Variants in BICRA observed in about 807,000 individuals in gnomAD.
The protein encoded by BICRA is BRD4 interacting chromatin remodeling complex associated protein, also known as BRD4-interacting chromatin-remodeling complex-associated protein.
BICRA carries 31 observed loss-of-function variants against 96.9 expected under a neutral mutation model. That is an observed-to-expected ratio of 0.32 (90% CI 0.24 to 0.43). The LOEUF (loss-of-function observed/expected upper bound fraction) is 0.43, where lower values mean the gene tolerates loss of function less well. BICRA is among the 20% of genes least tolerant of loss of function. BICRA has a pLI of 1.00. For missense variants in BICRA, 2,283 were observed against 2,190.3 expected, an observed-to-expected ratio of 1.04 and a Z score of -0.84; for synonymous variants, 1,350 against 1,071.8, an observed-to-expected ratio of 1.26 and a Z score of -5.07.
At chr19:47,696,781 G>A (rs1973349847) in intron 11 of BICRA, among the ~76,000 whole-genome samples, 1 of 152,134 alleles carries the variant, frequency 6.6e-6, no homozygotes, top group Non-Finnish European at 1.5e-5. Context: ...TTGTTGCTGT[G>A]CCCTCCATGT....
At position 47,681,962 on chromosome 19, in the gene BICRA, G is replaced by A. The variant is rs1973068501; in HGVS notation, c.2107-14G>A. The A allele has an allele frequency of 1.3e-6, 2 of 1,538,976 alleles. No homozygotes were observed. Among genetic ancestry groups the A allele is most frequent in the African/African-American group, 1.4e-5 (1 of 72,998 alleles). On this transcript the variant is annotated splice_polypyrimidine_tract_variant and intron_variant, in intron 6 of 14. Coordinates refer to ENST00000594866, the MANE Select transcript of BICRA (RefSeq NM_001394372.1). Reference sequence around the variant, plus strand: ...GGGGCGGCTTTCTGATCCTGTGCGGGCTGCCCGTTGCAGGAGAGGAGCCAG... The same window carrying A: ...GGGGCGGCTTTCTGATCCTGTGCGGACTGCCCGTTGCAGGAGAGGAGCCAG...
At position 47,701,533 on chromosome 19, in the gene BICRA, C is replaced by T. The variant is rs1464943492; in HGVS notation, c.3801C>T (p.Ser1267=). Residue 1267 remains serine (S), a synonymous_variant, in exon 15 of 15, where the codon TCC becomes TCT. Transcript: ENST00000594866. This position sits in a 1 kb window ranked among gnomAD's most constrained non-coding sequence, Gnocchi z 5.4. ...TCACCTGGGCCCGGGCGTCCTCCTC[C>T]CTGTCCTCCTCTTCCTCCTCCTCCT... ...PSVTWARASS[S]LSSSSSSSSA... is the part of the protein sequence containing the mutation. 2.3e-5 allele frequency: 36 copies of T among 1,549,114 alleles called. No individual in the cohort carries two copies. The highest frequency in any genetic ancestry group is 3.1e-5 in the Non-Finnish European group (36 of 1,147,088).
At position 47,696,462 on chromosome 19, in the gene BICRA, A is replaced by G; in HGVS notation, c.3198A>G (p.Lys1066=). ...GKPSGLQYES[K]LSGLKKPPTL... The stretch of plus-strand genomic sequence containing the variant: ...CTTTCTTCTCCCAGTATGAGAGCAA[A>G]CTGAGTGGCCTGAAGAAGCCCCCCA... The change falls in exon 11 of 15, where the codon AAA becomes AAG. Residue 1066 remains lysine (K), a synonymous_variant. Coordinates refer to ENST00000594866, the MANE Select transcript of BICRA (RefSeq NM_001394372.1). 1 of 1,601,864 alleles carries G rather than the reference A, an allele frequency of 6.2e-7. No homozygotes were observed. Among genetic ancestry groups the G allele is most frequent in the South Asian group, 1.1e-5 (1 of 88,616 alleles).
chr19:47,646,738 A>G (rs533735553), intron 1 of BICRA, among the ~76,000 whole-genome samples: 3 of 152,200 alleles, frequency 2.0e-5, no homozygotes, highest in Non-Finnish European at 4.4e-5. Flanking sequence ...CATTTCATCC[A>G]GCAATTATAA....
chr19:47,692,112 C>T (rs1416987516), intron 7 of BICRA, among the ~76,000 whole-genome samples: 8 of 152,088 alleles, frequency 5.3e-5, no homozygotes, highest in Non-Finnish European at 1.2e-4. Context: ...ACTGAGTGGG[C>T]CAGTTCTCTT....
intron 1 of BICRA, among the ~76,000 whole-genome samples, chr19:47,616,594 G>A (rs1971987811): frequency 6.6e-6 from 1 of 151,092 alleles, no homozygotes; most frequent in Admixed American, 6.6e-5. Context: ...AGCTGAGATC[G>A]CACGATTGCA....
intron 1 of BICRA, chr19:47,662,285 T>C (rs1972715478): frequency 1.3e-5 from 2 of 152,420 alleles, no homozygotes; most frequent in Non-Finnish European, 2.9e-5. Flanking sequence ...GCTGGGGTGA[T>C]GGGGTGATGG....
intron 1 of BICRA, among the ~76,000 whole-genome samples, chr19:47,651,613 T>C (rs1457225822): frequency 6.6e-6 from 1 of 152,064 alleles, no homozygotes; most frequent in Non-Finnish European, 1.5e-5. Context: ...GTTTGACTTC[T>C]CTTTGTGGAG....
intron 1 of BICRA, among the ~76,000 whole-genome samples, chr19:47,635,580 A>G (rs1263800741): frequency 1.3e-5 from 2 of 152,038 alleles, no homozygotes; most frequent in South Asian, 4.1e-4. Context: ...TTCAAACAGA[A>G]GCTCGATACC....
chr19:47,656,108 ACACT>A (rs1168305115), intron 1 of BICRA, among the ~76,000 whole-genome samples: 6 of 128,942 alleles, frequency 4.7e-5, no homozygotes, highest in African/African-American at 1.7e-4. Context: ...ACACACACAC[ACACT>A]CTGAATAAAT....
At chr19:47,615,321 C>T (rs1268536943) in intron 1 of BICRA, among the ~76,000 whole-genome samples, 1 of 152,226 alleles carries the variant, frequency 6.6e-6, no homozygotes, top group African/African-American at 2.4e-5. Flanking sequence ...CTCTTTCTCT[C>T]CTCTTCAATG....
chr19:47,685,595 A>G (rs1039042458), intron 7 of BICRA, among the ~76,000 whole-genome samples: 3 of 152,034 alleles, frequency 2.0e-5, no homozygotes, highest in Non-Finnish European at 2.9e-5. Context: ...TATCCTGTGG[A>G]TATGCAGGAA....
intron 1 of BICRA, among the ~76,000 whole-genome samples, chr19:47,621,244 A>G (rs1230909164): frequency 6.6e-6 from 1 of 152,098 alleles, no homozygotes; most frequent in Non-Finnish European, 1.5e-5. Context: ...CAAAAGTGTG[A>G]AAAATGCGCA....
chr19:47,620,923 C>T (rs905894412), intron 1 of BICRA, among the ~76,000 whole-genome samples: 13 of 152,224 alleles, frequency 8.5e-5, no homozygotes, highest in African/African-American at 2.2e-4. Flanking sequence ...CCAGTCAAGG[C>T]GGCCATGGGT....
At chr19:47,672,380 G>A (rs1296828779) in intron 2 of BICRA, among the ~76,000 whole-genome samples, 1 of 150,434 alleles carries the variant, frequency 6.6e-6, no homozygotes, top group Admixed American at 6.6e-5. Flanking sequence ...GTAGGTAGAT[G>A]GATGGAAGGA....
At position 47,680,680 on chromosome 19, in the gene BICRA, C is replaced by G. The variant is rs767725444; in HGVS notation, c.1510C>G (p.His504Asp). The G allele has an allele frequency of 3.1e-6, 5 of 1,604,332 alleles. No homozygotes were observed. The highest frequency in any genetic ancestry group is 1.7e-6 in the Non-Finnish European group (2 of 1,175,596). ...GCAGATCCTGGCGGCCGCTGCCCCC[C>G]ACACAGGTGGACAGCTCATCGCGAA... The part of the protein sequence containing the change: ...GGQILAAAAP[H>D]TGGQLIANPI... The change falls in exon 6 of 15, where the codon CAC becomes GAC. Residue 504 changes from histidine to aspartate, a missense_variant. By Grantham distance (81) the His-to-Asp change is moderately conservative (BLOSUM62 -1). Coordinates refer to ENST00000594866, the MANE Select transcript of BICRA (RefSeq NM_001394372.1).
intron 1 of BICRA, among the ~76,000 whole-genome samples, chr19:47,654,673 C>T (rs1317833394): frequency 1.3e-5 from 2 of 151,900 alleles, no homozygotes; most frequent in East Asian, 1.9e-4. Context: ...ACTGTAAGGC[C>T]AGGGCATGGT....
At chr19:47,634,836 C>T (rs1304088392) in intron 1 of BICRA, among the ~76,000 whole-genome samples, 1 of 147,716 alleles carries the variant, frequency 6.8e-6, no homozygotes, top group Non-Finnish European at 1.5e-5. Context: ...GATCTCGGCT[C>T]ACTGCAAGCT....
chr19:47,612,017 C>A (rs1181085684), intron 1 of BICRA, among the ~76,000 whole-genome samples: 6 of 151,928 alleles, frequency 3.9e-5, no homozygotes, highest in Admixed American at 3.9e-4. Context: ...ATTACAGGCA[C>A]CCACCACCAC....
Sources: allele counts gnomAD v4.1 joint callset (sites outside exome capture counted in the v4.1 genomes callset), GRCh38; gene constraint gnomAD v4.1.1; non-coding constraint Gnocchi (gnomAD v3.1); transcripts MANE v1.5; gene names NCBI Gene and HGNC (gene_info 2026-07-23, HGNC 2026-07-21).